The following POLR3E variants were observed in gnomAD, a reference collection of about 807,000 sequenced individuals.
POLR3E encodes DNA-directed RNA polymerase III subunit RPC5.
In POLR3E, 41 loss-of-function variants were observed where a neutral mutation model predicts 96.6. That is an observed-to-expected ratio of 0.42 (90% CI 0.33 to 0.55). The LOEUF is 0.55. Among genes scored for constraint, POLR3E ranks in the 20% least tolerant of loss-of-function variants. The pLI is 0.06. For synonymous variants in POLR3E, 396 were observed against 383.6 expected, an observed-to-expected ratio of 1.03 and a Z score of -0.38; for missense variants, 849 against 952.1, an observed-to-expected ratio of 0.89 and a Z score of 1.43.
chr16:22,303,858 C>G (rs1294955970), intron 2 of POLR3E, among the ~76,000 whole-genome samples: 2 of 141,680 alleles, frequency 1.4e-5, no homozygotes, highest in African/African-American at 5.5e-5. Flanking sequence ...GTCTCCCAGG[C>G]TGGAGTGCAG....
rs768488843 is a variant in POLR3E, at chr16:22,305,238, G to A, written c.87+32G>A. The A allele has an allele frequency of 2.6e-6, 4 of 1,537,920 alleles. No homozygotes were observed. The African/African-American group carries it at 5.4e-5, about 21-fold the overall frequency. On this transcript the variant is annotated intron_variant, in intron 3 of 20. Transcript: ENST00000299853. ...ATGGGACTTGAAGGTAAAGAGGGGAGAAGCAGGTGTGGGTGGGTGGTGTGG... is the reference window on the plus strand; with the variant it reads ...ATGGGACTTGAAGGTAAAGAGGGGAAAAGCAGGTGTGGGTGGGTGGTGTGG...
chr16:22,301,112 T>G (rs944316856), intron 1 of POLR3E, among the ~76,000 whole-genome samples: 7 of 130,552 alleles, frequency 5.4e-5, no homozygotes, highest in African/African-American at 2.0e-4. Context: ...AGGTGACATT[T>G]GAGCAAAAAC....
At chr16:22,329,064 C>A in intron 19 of POLR3E, 1 of 167,442 alleles carries the variant, frequency 6.0e-6, no homozygotes. Context: ...CCAGACTGGG[C>A]GACAGAGCAA....
chr16:22,309,550 T>G (rs539186177), intron 6 of POLR3E, 40 bp downstream of exon 6: 258 of 1,024,512 alleles, frequency 2.5e-4, no homozygotes, highest in Non-Finnish European at 3.2e-4. Flanking sequence ...GACATGGCAT[T>G]GGGGGGGGCT....
chr16:22,307,734 C>A lies in POLR3E; in HGVS notation c.88-414C>A, dbSNP rs2048162790. Among the ~76,000 whole-genome samples, 3 of 152,366 alleles carry A rather than the reference C, an allele frequency of 2.0e-5. 1 individual carries two copies. The South Asian group carries it at 6.2e-4, about 32-fold the overall frequency. ...GAGCAGCACGTGCCGGTGTTGCTTT[C>A]ACTCTTTGCTTCCTCATGGACTCCT... On this transcript the variant is annotated intron_variant, in intron 3 of 20. Coordinates refer to ENST00000299853, the MANE Select transcript of POLR3E (RefSeq NM_018119.4).
In POLR3E at chr16:22,302,677, C is replaced by T. The variant is rs1379576586; in HGVS notation, c.-38-254C>T. Reference sequence around the variant, plus strand: ...AAAGCCAGTCATTTGCCTTTCCCCGCAGGTGCAGCCCACACTTGTTGGCTT... The same window carrying T: ...AAAGCCAGTCATTTGCCTTTCCCCGTAGGTGCAGCCCACACTTGTTGGCTT... On this transcript the variant is annotated intron_variant, in intron 1 of 20. Coordinates refer to ENST00000299853, the MANE Select transcript of POLR3E (RefSeq NM_018119.4). 5 of 459,146 alleles carry T rather than the reference C, an allele frequency of 1.1e-5. No individual in the cohort carries two copies. In the East Asian group the frequency reaches 1.9e-4, roughly 18 times the overall value. The allele number at this position is 459,146 out of a possible 1,614,324, so 28.4% of individuals were successfully genotyped here.
chr16:22,309,375 G>A, intron 5 of POLR3E, 53 bp from the exon 6 acceptor site: 1 of 1,339,934 alleles, frequency 7.5e-7, no homozygotes, highest in Non-Finnish European at 1.1e-6. Context: ...GTGGCCACAG[G>A]CCCTGGCTCG....
chr16:22,325,806 A>G lies in POLR3E; in HGVS notation c.1394A>G (p.Lys465Arg). The G allele has an allele frequency of 6.2e-7, 1 of 1,603,552 alleles. No homozygotes were observed. The change falls in exon 18 of 21, where the codon AAA (lysine) becomes AGA (arginine). Residue 465 changes from lysine to arginine, a missense_variant. Transcript: ENST00000299853. The part of the protein sequence containing the change: ...VCGDQRIQVA[K>R]TKAQQNHALL... ...GGGGACCAGCGGATCCAAGTAGCCA[A>G]AACCAAGGCCCAGCAGAACCACGCG...
chr16:22,301,789 GGT>G (rs2048029074), intron 1 of POLR3E, among the ~76,000 whole-genome samples: 1 of 151,906 alleles, frequency 6.6e-6, no homozygotes, highest in African/African-American at 2.4e-5. Flanking sequence ...AGCCGGGCCT[GGT>G]GGTGCATGCC....
At chr16:22,330,274 G>C (rs1158118618) in intron 19 of POLR3E, among the ~76,000 whole-genome samples, 1 of 148,332 alleles carries the variant, frequency 6.7e-6, no homozygotes, top group Non-Finnish European at 1.5e-5. Flanking sequence ...GGGTCGGGGG[G>C]TGGTCCCACC....
chr16:22,313,637 C>T lies in POLR3E; in HGVS notation c.382C>T (p.Pro128Ser), dbSNP rs767713407. 5.0e-6 allele frequency: 8 copies of T among 1,613,402 alleles called. No homozygotes were observed. The Admixed American group carries it at 6.7e-5, about 13-fold the overall frequency. Residue 128 changes from proline (P) to serine (S), a missense_variant, in exon 7 of 21, where the codon CCT becomes TCT. Transcript: ENST00000299853. This position sits in a 1 kb window ranked among gnomAD's most constrained non-coding sequence, Gnocchi z 4.1. ...LYRQGELHLT[P>S]LHGILQLRPS... ...TCCGCCAGGTGAGCTCCACCTGACA[C>T]CTTTACATGGCATCCTGCAGCTGCG...
chr16:22,319,337 G>A (rs2048423216), intron 13 of POLR3E, among the ~76,000 whole-genome samples: 1 of 151,984 alleles, frequency 6.6e-6, no homozygotes, highest in African/African-American at 2.4e-5. Context: ...CTAGTGCTTT[G>A]GGTTTAAATC....
In POLR3E at chr16:22,305,178, G is replaced by A. The variant is rs762076428; in HGVS notation, c.59G>A (p.Ser20Asn). ...VQEIDVYLAK[S>N]LAEKLYLFQY... is the part of the protein sequence containing the mutation. ...CAGATCGATGTGTACTTGGCCAAGA[G>A]TCTGGCGGAAAAGCTGTATCTATTT... Residue 20 changes from serine to asparagine, a missense_variant, in exon 3 of 21, where the codon AGT becomes AAT. Coordinates refer to ENST00000299853, the MANE Select transcript of POLR3E (RefSeq NM_018119.4). The A allele has an allele frequency of 1.9e-6, 3 of 1,613,518 alleles. No homozygotes were observed. The highest frequency in any genetic ancestry group is 1.7e-5 in the Admixed American group (1 of 60,022).
intron 13 of POLR3E, among the ~76,000 whole-genome samples, chr16:22,321,307 T>C (rs2048466952): frequency 6.6e-6 from 1 of 152,240 alleles, no homozygotes; most frequent in Non-Finnish European, 1.5e-5. Flanking sequence ...TAGTTTAAGG[T>C]GAGCAATGTG....
intron 3 of POLR3E, chr16:22,305,424 T>G: frequency 1.4e-6 from 1 of 694,810 alleles, no homozygotes; most frequent in East Asian, 2.7e-5. Flanking sequence ...TGTGCAGCAG[T>G]TAAAGCTGGG....
Position 22,325,929 on chromosome 16 carries a change from GCGAGGAGGA to G in POLR3E, c.1525_1533del (p.Asp509_Glu511del), listed in dbSNP as rs748071840. The G allele has an allele frequency of 6.9e-6, 11 of 1,597,634 alleles. No homozygotes were observed. In the South Asian group the frequency reaches 8.9e-5, roughly 13 times the overall value. On this transcript the variant is annotated inframe_deletion, in exon 18 of 21. Coordinates refer to ENST00000299853, the MANE Select transcript of POLR3E (RefSeq NM_018119.4). ...AAGGAGGAGCCCGTGAGCGAGGAGG[GCGAGGAGGA>G]CGAGGAGCAGGAGGCGGAGGAGGAG...
At chr16:22,328,422 G>C (rs1456649401) in intron 18 of POLR3E, 88 bp from the exon 19 acceptor site, 8 of 1,104,552 alleles carry the variant, frequency 7.2e-6, no homozygotes, top group Non-Finnish European at 4.2e-6. Flanking sequence ...TCCTGCATCT[G>C]GGCTGGGGCA....
Position 22,326,221 on chromosome 16 carries a change from G to C in POLR3E, c.1809G>C (p.Ser603=), listed in dbSNP as rs1049100379. 1.2e-6 allele frequency: 2 copies of C among 1,613,128 alleles called. No homozygotes were observed. Among genetic ancestry groups the C allele is most frequent in the Middle Eastern group, 1.7e-4 (1 of 6,060 alleles). The change falls in exon 18 of 21, where the codon TCG becomes TCC. Residue 603 remains serine (S), a synonymous_variant. Transcript: ENST00000299853. ...PPGHTLFSGI[S]DRMLQDTVLA... ...GCCACACACTCTTCAGCGGCATCTC[G>C]GACCGCATGCTACAGGACACGGTGC...
chr16:22,321,045 C>G (rs1019021404), intron 13 of POLR3E, among the ~76,000 whole-genome samples: 4 of 152,240 alleles, frequency 2.6e-5, no homozygotes, highest in African/African-American at 9.6e-5. Flanking sequence ...GAGCGTGGGG[C>G]TTGATGCCTT....
Sources: allele counts gnomAD v4.1 joint callset (sites outside exome capture counted in the v4.1 genomes callset), GRCh38; gene constraint gnomAD v4.1.1; non-coding constraint Gnocchi (gnomAD v3.1); transcripts MANE v1.5; gene names NCBI Gene and HGNC (gene_info 2026-07-23, HGNC 2026-07-21).